The following HHIP variants were observed in gnomAD, a reference collection of about 807,000 sequenced individuals.
HHIP encodes the protein hedgehog-interacting protein.
In HHIP, 12 loss-of-function variants were observed where a neutral mutation model predicts 74.0. The ratio of observed to expected loss-of-function variants is 0.16; its 90% CI spans 0.10 to 0.26. The LOEUF (loss-of-function observed/expected upper bound fraction) is 0.26, where lower values mean the gene tolerates loss of function less well. Among genes scored for constraint, HHIP ranks in the 10% least tolerant of loss-of-function variants. HHIP has a pLI of 1.00. For missense variants in HHIP, 788 were observed against 845.0 expected, an observed-to-expected ratio of 0.93 and a Z score of 0.84; for synonymous variants, 309 against 311.6, an observed-to-expected ratio of 0.99 and a Z score of 0.09.
intron 7 of HHIP, among the ~76,000 whole-genome samples, chr4:144,709,054 T>C (rs1188300329): frequency 6.6e-6 from 1 of 152,220 alleles, no homozygotes; most frequent in Non-Finnish European, 1.5e-5. Flanking sequence ...CTTCATCCAG[T>C]CTATGGTCTA....
chr4:144,683,823 T>C (rs1729408311), intron 4 of HHIP, among the ~76,000 whole-genome samples: 1 of 152,182 alleles, frequency 6.6e-6, no homozygotes, highest in Non-Finnish European at 1.5e-5. Flanking sequence ...TTTAATATTA[T>C]ATCTGGCTCT....
At chr4:144,659,054 C>T (rs1728629580) in intron 3 of HHIP, 108 bp downstream of exon 3, 3 of 806,284 alleles carry the variant, frequency 3.7e-6, no homozygotes, top group Non-Finnish European at 5.6e-6. Flanking sequence ...CAGCTATATC[C>T]TCCAGATGCT....
intron 4 of HHIP, among the ~76,000 whole-genome samples, chr4:144,686,970 A>G (rs1326868734): frequency 6.6e-6 from 1 of 152,212 alleles, no homozygotes; most frequent in Non-Finnish European, 1.5e-5. Context: ...TGTTCAAGGC[A>G]TTGCTCTTTA....
In HHIP at chr4:144,714,278, G is replaced by C. The variant is rs1201280309; in HGVS notation, c.1477G>C (p.Gly493Arg). 6.2e-7 allele frequency: 1 copy of C among 1,613,390 alleles called. No homozygotes were observed. The highest frequency in any genetic ancestry group is 8.5e-7 in the Non-Finnish European group (1 of 1,179,550). ...FKPFSNGPLVGGFVYRGCQSE... is the reference protein window; with the variant it reads ...FKPFSNGPLVRGFVYRGCQSE... The stretch of plus-strand genomic sequence containing the variant: ...GCCATTCAGTAATGGTCCTTTGGTT[G>C]GTGGATTTGTATACCGGGGCTGCCA... Residue 493 changes from glycine (G) to arginine (R), a missense_variant, in exon 9 of 13, where the codon GGT (glycine) becomes CGT (arginine). This residue lies in a region of HHIP where 343 missense variants were observed against 347.9 expected (regional missense o/e 0.99). Coordinates refer to ENST00000296575, the MANE Select transcript of HHIP (RefSeq NM_022475.3).
chr4:144,738,779 C>T lies in HHIP; in HGVS notation c.*822C>T, dbSNP rs1731192394. 1.3e-6 allele frequency: 1 copy of T among 743,302 alleles called. No individual in the cohort carries two copies. Among genetic ancestry groups the T allele is most frequent in the Non-Finnish European group, 1.6e-6 (1 of 609,066 alleles). 46.0% of individuals were successfully genotyped at this position (743,302 alleles called of 1,614,324 possible). ...TAAAACACTAAAGTTACATTTTTCA[C>T]CAACTTAATTGGAAAGAAGGGGAGT... On this transcript the variant is annotated 3_prime_UTR_variant, in exon 13 of 13. Transcript: ENST00000296575.
At chr4:144,692,070 T>C (rs1729688473) in intron 4 of HHIP, among the ~76,000 whole-genome samples, 1 of 152,108 alleles carries the variant, frequency 6.6e-6, no homozygotes, top group East Asian at 1.9e-4. Context: ...AGAAAAGAGC[T>C]GATTAGTGAA....
chr4:144,661,911 G>A (rs1340818871), intron 4 of HHIP, among the ~76,000 whole-genome samples: 2 of 152,110 alleles, frequency 1.3e-5, no homozygotes, highest in Admixed American at 6.5e-5. Flanking sequence ...AGGGCATAAA[G>A]CTGTTTAACA....
At chr4:144,662,736 T>C (rs1481148098) in intron 4 of HHIP, among the ~76,000 whole-genome samples, 1 of 152,234 alleles carries the variant, frequency 6.6e-6, no homozygotes, top group Non-Finnish European at 1.5e-5. Context: ...GTTGTTATTG[T>C]TCTGTTGTTA....
At chr4:144,679,333 T>C (rs1729269724) in intron 4 of HHIP, among the ~76,000 whole-genome samples, 1 of 152,220 alleles carries the variant, frequency 6.6e-6, no homozygotes, top group Non-Finnish European at 1.5e-5. Context: ...AGGTTGCCTG[T>C]TCTCTCTGAT....
In HHIP at chr4:144,743,856, A is replaced by C. The variant is rs1731324669; in HGVS notation, c.*5899A>C. On this transcript the variant is annotated 3_prime_UTR_variant, in exon 13 of 13. Transcript: ENST00000296575. ...TTTTCACTAAAAAAATAACTAATTG[A>C]TAGTTTCCATTCACATGAACAAGTT... is the stretch of plus-strand genomic sequence containing the variant. The C allele has an allele frequency of 6.6e-6, 1 of 152,150 alleles. No individual in the cohort carries two copies. Among genetic ancestry groups the C allele is most frequent in the Non-Finnish European group, 1.5e-5 (1 of 67,978 alleles). The allele number at this position is 152,150 out of a possible 1,614,324, so 9.4% of individuals were successfully genotyped here. A position where few individuals can be genotyped will look rare whatever the true frequency, so the allele number is the denominator to read the frequency against.
chr4:144,717,307 A>T (rs2126668633), intron 10 of HHIP, among the ~76,000 whole-genome samples: 1 of 152,332 alleles, frequency 6.6e-6, no homozygotes, highest in Admixed American at 6.5e-5. Context: ...TGTTGTGAGG[A>T]TTAAATGAAG....
At position 144,707,266 on chromosome 4, in the gene HHIP, A is replaced by G; in HGVS notation, c.1157+6A>G. 2 of 1,593,482 alleles carry G rather than the reference A, an allele frequency of 1.3e-6. No homozygotes were observed. The highest frequency in any genetic ancestry group is 1.7e-6 in the Non-Finnish European group (2 of 1,170,214). ...GAAGAAATGGATGGGTTAAGGTAAA[A>G]GGCTGATCACAGATGGGTTCCTCTC... On this transcript the variant is annotated splice_donor_region_variant and intron_variant, in intron 6 of 12. Transcript: ENST00000296575.
At chr4:144,664,729 A>C (rs1229056088) in intron 4 of HHIP, among the ~76,000 whole-genome samples, 6 of 152,226 alleles carry the variant, frequency 3.9e-5, no homozygotes, top group Admixed American at 3.9e-4. Flanking sequence ...GGTTAGAATA[A>C]AGCCTGTGTT....
intron 1 of HHIP, among the ~76,000 whole-genome samples, chr4:144,649,482 GTTGTATA>G (rs1016771883): frequency 2.0e-5 from 3 of 152,058 alleles, no homozygotes; most frequent in African/African-American, 7.2e-5. Context: ...TTTTAATAAT[GTTGTATA>G]TTGTAATAAG....
intron 4 of HHIP, among the ~76,000 whole-genome samples, chr4:144,679,723 T>C (rs1714184599): frequency 6.6e-6 from 1 of 152,218 alleles, no homozygotes. Context: ...TTCTGTTCTG[T>C]ATGACATATT....
intron 1 of HHIP, among the ~76,000 whole-genome samples, chr4:144,651,117 G>T (rs1462550846): frequency 6.6e-6 from 1 of 152,080 alleles, no homozygotes; most frequent in African/African-American, 2.4e-5. Flanking sequence ...GATCTGGTGA[G>T]GTCTGCCAGA....
chr4:144,673,381 CT>C (rs1729092504), intron 4 of HHIP, among the ~76,000 whole-genome samples: 1 of 152,034 alleles, frequency 6.6e-6, no homozygotes, highest in African/African-American at 2.4e-5. Context: ...TTCATGGGTT[CT>C]GGTGAAAGGT....
At chr4:144,656,219 G>GA (rs1288407465) in intron 2 of HHIP, among the ~76,000 whole-genome samples, 1 of 152,028 alleles carries the variant, frequency 6.6e-6, no homozygotes, top group Admixed American at 6.6e-5. Context: ...TGATTGTAAA[G>GA]AAAAAAAGCC....
chr4:144,670,332 G>A (rs1027905953), intron 4 of HHIP, among the ~76,000 whole-genome samples: 18 of 151,416 alleles, frequency 1.2e-4, no homozygotes, highest in African/African-American at 2.7e-4. Flanking sequence ...ATGGTGGTGC[G>A]TGCCTGCAAT....
Sources: gnomAD v4.1 joint callset for allele counts (sites outside exome capture counted in the v4.1 genomes callset) on GRCh38, gnomAD v4.1.1 for gene constraint, gnomAD v4.1.1 regional missense constraint, MANE v1.5 for transcripts, NCBI Gene and HGNC (gene_info 2026-07-23, HGNC 2026-07-21) for gene names.